Variants in EHBP1L1 observed in about 807,000 individuals in gnomAD.
EHBP1L1 encodes the protein EH domain-binding protein 1-like protein 1.
In EHBP1L1, 122 loss-of-function variants were observed where a neutral mutation model predicts 151.1. The observed-to-expected ratio is 0.81, with a 90% CI of 0.70 to 0.94. The LOEUF is 0.94. Among genes scored for constraint, EHBP1L1 ranks in the 40% least tolerant of loss-of-function variants. EHBP1L1 has a pLI of 0.00. For synonymous variants in EHBP1L1, 878 were observed against 810.1 expected, an observed-to-expected ratio of 1.08 and a Z score of -1.42; for missense variants, 1,941 against 1,959.8, an observed-to-expected ratio of 0.99 and a Z score of 0.18.
chr11:65,582,024 G>T lies in EHBP1L1; in HGVS notation c.1352G>T (p.Cys451Phe), dbSNP rs1281619815. The change falls in exon 9 of 19, where the codon TGC (cysteine) becomes TTC (phenylalanine). Residue 451 changes from cysteine (C) to phenylalanine (F), a missense_variant. Coordinates refer to ENST00000309295, the MANE Select transcript of EHBP1L1 (RefSeq NM_001099409.3). ...EATGVMPEARCRGTPEAPPRG... is the reference protein window; with the variant it reads ...EATGVMPEARFRGTPEAPPRG... The stretch of plus-strand genomic sequence containing the variant: ...ACAGGGGTGATGCCTGAGGCAAGAT[G>T]CAGGGGGACCCCTGAGGCTCCTCCA... The T allele has an allele frequency of 1.2e-6, 2 of 1,613,550 alleles. No homozygotes were observed. Among genetic ancestry groups the T allele is most frequent in the Non-Finnish European group, 8.5e-7 (1 of 1,179,868 alleles).
chr11:65,589,711 G>C, intron 12 of EHBP1L1, 40 bp from the exon 13 acceptor site: 1 of 1,494,022 alleles, frequency 6.7e-7, no homozygotes, highest in Non-Finnish European at 8.9e-7. Flanking sequence ...CAGGCTGGTG[G>C]GAAACCCCTC....
chr11:65,580,367 C>T lies in EHBP1L1; in HGVS notation c.522C>T (p.Leu174=). 6.2e-7 allele frequency: 1 copy of T among 1,613,842 alleles called. No individual in the cohort carries two copies. ...TDDDMQSLAS[L]MSVKPSDVGN... Reference sequence around the variant, plus strand: ...ATGACATGCAGAGTCTCGCAAGCCTCATGAGTGTGAAGCCTAGTGATGTGG... The same window carrying T: ...ATGACATGCAGAGTCTCGCAAGCCTTATGAGTGTGAAGCCTAGTGATGTGG... Residue 174 remains leucine, a synonymous_variant, in exon 6 of 19, where the codon CTC becomes CTT. Transcript: ENST00000309295.
intron 12 of EHBP1L1, 140 bp from the exon 13 acceptor site, chr11:65,589,611 C>T (rs1394037003): frequency 1.5e-5 from 20 of 1,333,096 alleles, no homozygotes; most frequent in Non-Finnish European, 1.9e-5. Flanking sequence ...TCTGTGCATG[C>T]AGGACTAGAG....
In EHBP1L1 at chr11:65,580,264, G is replaced by A. The variant is rs780827567; in HGVS notation, c.491+5G>A. On this transcript the variant is annotated splice_donor_5th_base_variant and intron_variant, in intron 5 of 18. Transcript: ENST00000309295. ...GCTGCGGGAGGGCCGTGCCACGTGA[G>A]TGCCTACCTGCCCTCCTTGATCCTG... The A allele has an allele frequency of 1.2e-6, 2 of 1,613,374 alleles. No homozygotes were observed. Among genetic ancestry groups the A allele is most frequent in the South Asian group, 2.2e-5 (2 of 91,084 alleles).
rs531504754 is a variant in EHBP1L1 at position 65,585,164 on chromosome 11, C to T, written c.3506C>T (p.Pro1169Leu). Residue 1169 changes from proline (P) to leucine (L), a missense_variant, in exon 12 of 19, where the codon CCG becomes CTG. Transcript: ENST00000309295. This position sits in a 1 kb window ranked among gnomAD's most constrained non-coding sequence, Gnocchi z 4.0. Reference sequence around the variant, plus strand: ...CGCGTGGGCAGCGCCCAGCCCAGCCCGCCCGACGACCTGGACGCCGGAGGC... The same window carrying T: ...CGCGTGGGCAGCGCCCAGCCCAGCCTGCCCGACGACCTGGACGCCGGAGGC... ...TYRVGSAQPS[P>L]PDDLDAGGLA... is the part of the protein sequence containing the mutation. 3 of 1,355,946 alleles carry T rather than the reference C, an allele frequency of 2.2e-6. No individual in the cohort carries two copies. The highest frequency in any genetic ancestry group is 4.0e-5 in the Admixed American group (1 of 24,990). The allele number at this position is 1,355,946 out of a possible 1,614,324, so 84.0% of individuals were successfully genotyped here.
chr11:65,592,364 C>A lies in EHBP1L1; in HGVS notation c.*62C>A. 1 of 1,229,118 alleles carries A rather than the reference C, an allele frequency of 8.1e-7. No individual in the cohort carries two copies. The allele number at this position is 1,229,118 out of a possible 1,614,324, so 76.1% of individuals were successfully genotyped here. ...CCCGGCGTCCGCCGCCGCCCCGGGC[C>A]TGCGCTGCGGACGACCCGGCCGTCC... is the stretch of plus-strand genomic sequence containing the variant. On this transcript the variant is annotated 3_prime_UTR_variant, in exon 19 of 19. Coordinates refer to ENST00000309295, the MANE Select transcript of EHBP1L1 (RefSeq NM_001099409.3).
Position 65,582,651 on chromosome 11 carries a change from G to T in EHBP1L1, c.1979G>T (p.Gly660Val), listed in dbSNP as rs771650178. 1.9e-6 allele frequency: 3 copies of T among 1,613,598 alleles called. No homozygotes were observed. Among genetic ancestry groups the T allele is most frequent in the Non-Finnish European group, 2.5e-6 (3 of 1,179,848 alleles). The stretch of plus-strand genomic sequence containing the variant: ...GGGACCCAGAAAACAGAAGCTGGGG[G>T]TTCAGGAGTTTTGCAGACAAGAACT... ...VLGTQKTEAG[G>V]SGVLQTRTTI... The change falls in exon 9 of 19, where the codon GGT (glycine) becomes GTT (valine). Residue 660 changes from glycine to valine, a missense_variant. Physicochemically the swap from Gly to Val is moderately radical, Grantham distance 109. Coordinates refer to ENST00000309295, the MANE Select transcript of EHBP1L1 (RefSeq NM_001099409.3).
In EHBP1L1 at chr11:65,582,209, G is replaced by C; in HGVS notation, c.1537G>C (p.Gly513Arg). ...GGAGAGAGAGGGTGCAGAAGTGAGG[G>C]GTGGAGCACCTGGTATTGAGGGGAC... is the stretch of plus-strand genomic sequence containing the variant. The part of the protein sequence containing the change: ...GQEREGAEVR[G>R]GAPGIEGTGL... The change falls in exon 9 of 19, where the codon GGT becomes CGT. Residue 513 changes from glycine (G) to arginine (R), a missense_variant. Physicochemically the swap from Gly to Arg is moderately radical, Grantham distance 125. Coordinates refer to ENST00000309295, the MANE Select transcript of EHBP1L1 (RefSeq NM_001099409.3). 1 of 1,535,218 alleles carries C rather than the reference G, an allele frequency of 6.5e-7. No individual in the cohort carries two copies. The highest frequency in any genetic ancestry group is 8.7e-7 in the Non-Finnish European group (1 of 1,145,028).
intron 12 of EHBP1L1, among the ~76,000 whole-genome samples, chr11:65,586,843 G>A (rs1857991629): frequency 6.6e-6 from 1 of 152,222 alleles, no homozygotes; most frequent in East Asian, 1.9e-4. Context: ...AATCTTAAAG[G>A]GGAGGTGCCC....
chr11:65,591,486 G>A (rs1233796622), intron 16 of EHBP1L1: 1 of 487,700 alleles, frequency 2.1e-6, no homozygotes, highest in Non-Finnish European at 3.7e-6. Context: ...TCCCTTTTGC[G>A]TTTGGGATTT....
chr11:65,577,686 C>T (rs945940813), intron 1 of EHBP1L1, among the ~76,000 whole-genome samples: 9 of 152,194 alleles, frequency 5.9e-5, no homozygotes, highest in African/African-American at 2.2e-4. Flanking sequence ...TAGGCACCCC[C>T]TGTCCGCTTC....
Position 65,581,379 on chromosome 11 carries a change from C to A in EHBP1L1, c.866+6C>A. ...GAAACCTCACCAGAGATGAGGTGAGCTTTGGAACCAGCCTCACCCCCCATT... is the reference window on the plus strand; with the variant it reads ...GAAACCTCACCAGAGATGAGGTGAGATTTGGAACCAGCCTCACCCCCCATT... On this transcript the variant is annotated splice_donor_region_variant and intron_variant, in intron 8 of 18. Transcript: ENST00000309295. The A allele has an allele frequency of 6.5e-7, 1 of 1,539,448 alleles. No individual in the cohort carries two copies. Among genetic ancestry groups the A allele is most frequent in the South Asian group, 1.2e-5 (1 of 81,034 alleles).
In EHBP1L1 at chr11:65,579,091, C is replaced by T; in HGVS notation, c.118C>T (p.Leu40=). The T allele has an allele frequency of 1.3e-6, 2 of 1,591,318 alleles. No individual in the cohort carries two copies. The highest frequency in any genetic ancestry group is 1.7e-6 in the Non-Finnish European group (2 of 1,168,982). The change falls in exon 2 of 19, where the codon CTG becomes TTG. Residue 40 remains leucine (L), a synonymous_variant. Transcript: ENST00000309295. The stretch of plus-strand genomic sequence containing the variant: ...CCCCTCCCCCAGGCAGCCAGATAAG[C>T]TGGTGGTGGTATGGACCCGTCGGAA... ...ECTKKWQPDK[L]VVVWTRRNRR...
chr11:65,591,907 C>T, intron 17 of EHBP1L1, 34 bp downstream of exon 17: 1 of 1,606,768 alleles, frequency 6.2e-7, no homozygotes, highest in Non-Finnish European at 8.5e-7. Flanking sequence ...GGAGGCAAGA[C>T]AGAGCCAGGG....
intron 3 of EHBP1L1, among the ~76,000 whole-genome samples, 163 bp from the exon 4 acceptor site, chr11:65,579,773 G>A (rs1054834654): frequency 6.7e-6 from 1 of 148,706 alleles, no homozygotes; most frequent in East Asian, 2.0e-4. Context: ...GTTGCAGTGA[G>A]CCGAGATCGC....
At chr11:65,589,691 GC>G in intron 12 of EHBP1L1, 59 bp from the exon 13 acceptor site, 1 of 1,472,342 alleles carries the variant, frequency 6.8e-7, no homozygotes. Context: ...GCTCTGGCTG[GC>G]CCCAGGCCCA....
At chr11:65,589,250 C>CA (rs1371249452) in intron 12 of EHBP1L1, among the ~76,000 whole-genome samples, 3 of 152,168 alleles carry the variant, frequency 2.0e-5, no homozygotes, top group Admixed American at 6.5e-5. Context: ...ACTAAAAATA[C>CA]AAAAATTAGC....
chr11:65,580,501 GA>G (rs1287637022), intron 6 of EHBP1L1, 22 bp downstream of exon 6: 2 of 1,605,724 alleles, frequency 1.2e-6, no homozygotes, highest in Non-Finnish European at 1.7e-6. Flanking sequence ...GCCTGCTGTG[GA>G]TCGAGACTGC....
chr11:65,585,038 A>T lies in EHBP1L1; in HGVS notation c.3380A>T (p.Lys1127Met). Residue 1127 changes from lysine (K) to methionine (M), a missense_variant, in exon 12 of 19, where the codon AAG becomes ATG. Coordinates refer to ENST00000309295, the MANE Select transcript of EHBP1L1 (RefSeq NM_001099409.3). This position sits in a 1 kb window ranked among gnomAD's most constrained non-coding sequence, Gnocchi z 4.0. ...ATGGTGCTACTGTCGGTGCCCGACA[A>T]GCTCATCGTCATGACGTACCTGTGC... Reference protein sequence around the residue: ...ADMVLLSVPDKLIVMTYLCQI... With the variant: ...ADMVLLSVPDMLIVMTYLCQI... The T allele has an allele frequency of 2.6e-6, 4 of 1,538,474 alleles. No individual in the cohort carries two copies. The South Asian group carries it at 3.6e-5, about 14-fold the overall frequency.
Sources: gnomAD v4.1 joint callset for allele counts (sites outside exome capture counted in the v4.1 genomes callset) on GRCh38, gnomAD v4.1.1 for gene constraint, Gnocchi (gnomAD v3.1) non-coding constraint, MANE v1.5 for transcripts, NCBI Gene and HGNC (gene_info 2026-07-23, HGNC 2026-07-21) for gene names.